Variants in PTPRT observed in about 807,000 individuals in gnomAD.
PTPRT encodes receptor-type tyrosine-protein phosphatase T.
Under a neutral mutation model 176.8 loss-of-function variants are expected in PTPRT, and 56 were observed. The ratio of observed to expected loss-of-function variants is 0.32; its 90% CI spans 0.26 to 0.40. The LOEUF is 0.40. Ranked by LOEUF, PTPRT falls within the 10% of genes least tolerant of loss-of-function variation. The pLI is 1.00. For missense variants in PTPRT, 1,540 were observed against 1,908.2 expected (o/e 0.81, Z 3.60); for synonymous variants, 783 against 739.0 (o/e 1.06, Z -0.96).
At chr20:42,994,067 T>A (rs1408351559) in intron 1 of PTPRT, among the ~76,000 whole-genome samples, 1 of 152,188 alleles carries the variant, frequency 6.6e-6, no homozygotes, top group African/African-American at 2.4e-5. Flanking sequence ...CTTTGGATTA[T>A]AATTTAAAAT....
At chr20:43,115,553 T>C (rs896790155) in intron 1 of PTPRT, among the ~76,000 whole-genome samples, 3 of 152,136 alleles carry the variant, frequency 2.0e-5, no homozygotes, top group African/African-American at 7.2e-5. Context: ...TGGAGACATT[T>C]TGGGTTGTCA....
intron 1 of PTPRT, among the ~76,000 whole-genome samples, chr20:42,918,721 T>C (rs1336511791): frequency 6.6e-6 from 1 of 152,114 alleles, no homozygotes; most frequent in Non-Finnish European, 1.5e-5. Flanking sequence ...CAACTTTCAT[T>C]TGAGAGTTCA....
intron 20 of PTPRT, among the ~76,000 whole-genome samples, chr20:42,119,407 C>T (rs1228813450): frequency 6.6e-6 from 1 of 152,142 alleles, no homozygotes; most frequent in African/African-American, 2.4e-5. Context: ...GAATAATGTT[C>T]TTATATGCGT....
At chr20:42,993,357 G>C (rs567263684) in intron 1 of PTPRT, among the ~76,000 whole-genome samples, 11 of 147,772 alleles carry the variant, frequency 7.4e-5, no homozygotes, top group Non-Finnish European at 1.3e-4. Context: ...GGCAGAGCTT[G>C]CAGTGAGCTG....
chr20:42,448,125 T>C (rs2070765477), intron 9 of PTPRT, 95 bp downstream of exon 9: 1 of 981,782 alleles, frequency 1.0e-6, no homozygotes, highest in Non-Finnish European at 1.6e-6. Flanking sequence ...CTTACTCACC[T>C]TTATACGTTC....
chr20:42,358,954 G>C (rs762738688), intron 9 of PTPRT, among the ~76,000 whole-genome samples: 1 of 152,104 alleles, frequency 6.6e-6, no homozygotes, highest in Non-Finnish European at 1.5e-5. Flanking sequence ...ATTTTATTTC[G>C]AGGGTAATAT....
chr20:42,872,674 T>C (rs1160144846), intron 2 of PTPRT, among the ~76,000 whole-genome samples: 1 of 152,182 alleles, frequency 6.6e-6, no homozygotes, highest in Non-Finnish European at 1.5e-5. Flanking sequence ...AGTCAAAGAA[T>C]GCTAGAGTCA....
At chr20:42,188,427 G>C (rs545058818) in intron 16 of PTPRT, among the ~76,000 whole-genome samples, 1 of 152,106 alleles carries the variant, frequency 6.6e-6, no homozygotes, top group African/African-American at 2.4e-5. Context: ...TTGGTTTCTC[G>C]GTAGCTATGT....
At chr20:43,108,478 G>A (rs1282822491) in intron 1 of PTPRT, among the ~76,000 whole-genome samples, 2 of 152,106 alleles carry the variant, frequency 1.3e-5, no homozygotes, top group African/African-American at 2.4e-5. Context: ...ACAGCACCAT[G>A]AGAGATAATA....
At chr20:43,100,213 C>G (rs1463151377) in intron 1 of PTPRT, among the ~76,000 whole-genome samples, 1 of 152,060 alleles carries the variant, frequency 6.6e-6, no homozygotes, top group Admixed American at 6.5e-5. Flanking sequence ...CCCATCTCTA[C>G]TAAAAATACA....
At chr20:42,237,831 T>C (rs1425345501) in intron 14 of PTPRT, among the ~76,000 whole-genome samples, 2 of 152,254 alleles carry the variant, frequency 1.3e-5, no homozygotes, top group African/African-American at 4.8e-5. Context: ...GAAAAATGGC[T>C]AGATAATTCA....
chr20:42,676,538 GCTCT>G (rs55873681), intron 7 of PTPRT, among the ~76,000 whole-genome samples: 51,197 of 148,514 alleles, frequency 0.34, 8,791 homozygotes, highest in Admixed American at 0.38. Context: ...TATATACAAT[GCTCT>G]CTCTCTCTCT....
chr20:42,669,029 CTCAA>C (rs2075369513), intron 7 of PTPRT, among the ~76,000 whole-genome samples: 1 of 151,962 alleles, frequency 6.6e-6, no homozygotes, highest in South Asian at 2.1e-4. Flanking sequence ...CTTATGGCGT[CTCAA>C]TCAGAGGCTC....
intron 1 of PTPRT, among the ~76,000 whole-genome samples, chr20:42,891,364 G>C (rs116961664): frequency 0.01 from 1,529 of 152,306 alleles, 13 homozygotes; most frequent in Non-Finnish European, 0.013. Flanking sequence ...CCCCAGAGGA[G>C]CTATTTCCCT....
chr20:42,886,271 C>T (rs1462699742), intron 1 of PTPRT, among the ~76,000 whole-genome samples: 2 of 152,110 alleles, frequency 1.3e-5, no homozygotes, highest in African/African-American at 2.4e-5. Context: ...TTGCTTTGTG[C>T]AGCACGGAGA....
intron 16 of PTPRT, among the ~76,000 whole-genome samples, chr20:42,163,694 A>G (rs1785556492): frequency 6.6e-6 from 1 of 152,230 alleles, no homozygotes; most frequent in Admixed American, 6.5e-5. Context: ...AGATGAAGGC[A>G]CATGTAGTTA....
chr20:42,772,477 G>A (rs895954164), intron 4 of PTPRT, among the ~76,000 whole-genome samples: 5 of 152,096 alleles, frequency 3.3e-5, no homozygotes, highest in African/African-American at 9.7e-5. Context: ...GACAATCTTC[G>A]GATTAAGTCT....
chr20:43,062,754 T>C (rs1414930631), intron 1 of PTPRT, among the ~76,000 whole-genome samples: 1 of 152,226 alleles, frequency 6.6e-6, no homozygotes, highest in East Asian at 1.9e-4. Flanking sequence ...TTCCAAGGAA[T>C]CAGATTTTCT....
intron 7 of PTPRT, among the ~76,000 whole-genome samples, chr20:42,676,347 CCTATA>C (rs1360080027): frequency 6.6e-6 from 1 of 152,098 alleles, no homozygotes; most frequent in African/African-American, 2.4e-5. Context: ...TTTTTAGGCA[CCTATA>C]TGTCAAGTCA....
Sources: gnomAD v4.1 joint callset for allele counts (sites outside exome capture counted in the v4.1 genomes callset) on GRCh38, gnomAD v4.1.1 for gene constraint, MANE v1.5 for transcripts, NCBI Gene and HGNC (gene_info 2026-07-23, HGNC 2026-07-21) for gene names.